Variants in TIAM2 observed in about 807,000 individuals in gnomAD.
The protein encoded by TIAM2 is rho guanine nucleotide exchange factor TIAM2.
Under a neutral mutation model 152.9 loss-of-function variants are expected in TIAM2, and 80 were observed. That is an observed-to-expected ratio of 0.52 (90% CI 0.44 to 0.63). TIAM2 has a LOEUF of 0.63. Among genes scored for constraint, TIAM2 ranks in the 30% least tolerant of loss-of-function variants. The pLI, the probability that TIAM2 is intolerant of heterozygous loss-of-function variation, is 0.00. For synonymous variants in TIAM2, 804 were observed against 838.0 expected, an observed-to-expected ratio of 0.96 and a Z score of 0.70; for missense variants, 1,965 against 2,120.1, an observed-to-expected ratio of 0.93 and a Z score of 1.44.
At chr6:155,230,101 T>G (rs1782400804) in intron 15 of TIAM2, among the ~76,000 whole-genome samples, 1 of 151,796 alleles carries the variant, frequency 6.6e-6, no homozygotes, top group South Asian at 2.1e-4. Context: ...ATCCACCACA[T>G]AGCCCATCAT....
chr6:155,187,330 C>T (rs1781063575), intron 14 of TIAM2, among the ~76,000 whole-genome samples: 1 of 152,070 alleles, frequency 6.6e-6, no homozygotes, highest in Non-Finnish European at 1.5e-5. Context: ...TGGCAGGTCC[C>T]AGGAAGCTAG....
intron 1 of TIAM2, among the ~76,000 whole-genome samples, chr6:154,996,775 A>G (rs1449177907): frequency 6.6e-6 from 1 of 152,220 alleles, no homozygotes; most frequent in Admixed American, 6.5e-5. Context: ...TGTTTTAAAA[A>G]TATAGTATCA....
rs763792600 is a variant in TIAM2, at chr6:155,250,656, C to T, written c.3952-257C>T. ...TTCATCTTATGGAAACTGAGTTGGT[C>T]ACAAGGCATGTCTCACCTACATGTG... On this transcript the variant is annotated intron_variant, in intron 21 of 26. Transcript: ENST00000682666. The T allele has an allele frequency of 7.2e-6, 11 of 1,526,262 alleles. No individual in the cohort carries two copies. The African/African-American group carries it at 1.5e-4, about 21-fold the overall frequency. 94.5% of individuals were successfully genotyped at this position (1,526,262 alleles called of 1,614,324 possible).
intron 2 of TIAM2, among the ~76,000 whole-genome samples, chr6:155,102,038 G>A (rs981833452): frequency 6.6e-6 from 1 of 150,564 alleles, no homozygotes; most frequent in Non-Finnish European, 1.5e-5. Context: ...TGTCGCCCAG[G>A]CTGGAGTAAG....
At chr6:155,146,319 T>TA (rs1779817376) in intron 6 of TIAM2, among the ~76,000 whole-genome samples, 1 of 152,142 alleles carries the variant, frequency 6.6e-6, no homozygotes, top group South Asian at 2.1e-4. Context: ...AGGTCAAGGT[T>TA]ACAATGAGCT....
At position 155,218,490 on chromosome 6, in the gene TIAM2, C is replaced by T. The variant is rs1781926778; in HGVS notation, c.3168+7183C>T. 6.6e-6 allele frequency among the ~76,000 whole-genome samples: 1 copy of T among 152,160 alleles called. No homozygotes were observed. The highest frequency in any genetic ancestry group is 1.5e-5 in the Non-Finnish European group (1 of 68,040). ...TCATTATGTGACCTGGGGCAAGTTA[C>T]CCAACCTTTGTAAGCCTGTGTGTCC... On this transcript the variant is annotated intron_variant, in intron 15 of 26. Transcript: ENST00000682666. The surrounding 1 kb of genome is among the most constrained non-coding windows in gnomAD (Gnocchi z 4.5).
At chr6:155,135,785 T>C (rs1289944299) in intron 4 of TIAM2, among the ~76,000 whole-genome samples, 1 of 152,166 alleles carries the variant, frequency 6.6e-6, no homozygotes, top group Non-Finnish European at 1.5e-5. Flanking sequence ...TTAAGAATCA[T>C]GTCTTTGATA....
At chr6:155,124,072 T>G (rs572583837) in intron 2 of TIAM2, among the ~76,000 whole-genome samples, 1 of 152,162 alleles carries the variant, frequency 6.6e-6, no homozygotes, top group Non-Finnish European at 1.5e-5. Context: ...CAGGCTGGAG[T>G]CCAGTGGCTT....
chr6:155,213,708 T>C lies in TIAM2; in HGVS notation c.3168+2401T>C, dbSNP rs1323063046. The stretch of plus-strand genomic sequence containing the variant: ...CCACTCTTCCTGGTGCCCAGGCTGT[T>C]TGTGCCAAAGGGTGCCTGCAGGCCA... On this transcript the variant is annotated intron_variant, in intron 15 of 26. Coordinates refer to ENST00000682666, the MANE Select transcript of TIAM2 (RefSeq NM_012454.4). The surrounding 1 kb of genome is among the most constrained non-coding windows in gnomAD (Gnocchi z 4.2). Among the ~76,000 whole-genome samples the C allele has an allele frequency of 6.6e-6, 1 of 152,166 alleles. No individual in the cohort carries two copies. The highest frequency in any genetic ancestry group is 1.5e-5 in the Non-Finnish European group (1 of 68,018).
At chr6:155,049,385 T>C (rs1389599023) in intron 1 of TIAM2, among the ~76,000 whole-genome samples, 1 of 152,144 alleles carries the variant, frequency 6.6e-6, no homozygotes, top group African/African-American at 2.4e-5. Context: ...ACCTGGACTT[T>C]ATTGCAGCCT....
intron 5 of TIAM2, among the ~76,000 whole-genome samples, chr6:155,139,313 C>T (rs57611954): frequency 0.034 from 5,170 of 152,316 alleles, 121 homozygotes; most frequent in African/African-American, 0.059. Flanking sequence ...CTTGCAAAGG[C>T]ATTTCATATC....
chr6:155,223,946 A>G (rs1222038087), intron 15 of TIAM2, among the ~76,000 whole-genome samples: 1 of 152,144 alleles, frequency 6.6e-6, no homozygotes, highest in African/African-American at 2.4e-5. Flanking sequence ...TTGGCTTGCC[A>G]CTGTGTGGGT....
chr6:155,257,393 T>C lies in TIAM2; in HGVS notation c.*272T>C. On this transcript the variant is annotated 3_prime_UTR_variant, in exon 27 of 27. Coordinates refer to ENST00000682666, the MANE Select transcript of TIAM2 (RefSeq NM_012454.4). ...ATTTAGGATCCTTAAAATTACATTCTAATAATTAAGTTATGTGGAAAAAGT... is the reference window on the plus strand; with the variant it reads ...ATTTAGGATCCTTAAAATTACATTCCAATAATTAAGTTATGTGGAAAAAGT... 2.4e-6 allele frequency: 1 copy of C among 408,244 alleles called. No individual in the cohort carries two copies. Among genetic ancestry groups the C allele is most frequent in the South Asian group, 3.0e-5 (1 of 32,938 alleles). The allele number at this position is 408,244 out of a possible 1,614,324, so 25.3% of individuals were successfully genotyped here.
Position 155,099,344 on chromosome 6 carries a change from TTTATA to T in TIAM2, c.-118+8969_-118+8973del, listed in dbSNP as rs529897807. ...ATGCCTTTGAAACACTTAGAAAAAG[TTTATA>T]TTAGGGAATTTAGATTTGCAATGGC... On this transcript the variant is annotated intron_variant, in intron 2 of 26. Transcript: ENST00000682666. 3.2e-4 allele frequency among the ~76,000 whole-genome samples: 48 copies of T among 152,132 alleles called. No individual in the cohort carries two copies. In the South Asian group the frequency reaches 9.8e-3, roughly 31 times the overall value.
At position 155,252,152 on chromosome 6, in the gene TIAM2, C is replaced by T. The variant is rs191655967; in HGVS notation, c.4119+149C>T. 306 of 625,532 alleles carry T rather than the reference C, an allele frequency of 4.9e-4. 3 individuals are homozygous for T. In the Admixed American group the frequency reaches 8.3e-3, roughly 17 times the overall value. The allele number at this position is 625,532 out of a possible 1,614,324, so 38.7% of individuals were successfully genotyped here. ...AACTAACCCCATCACATACTGAGAG[C>T]GTTTCTGAGTCTCCCCATGAAAGAT... is the stretch of plus-strand genomic sequence containing the variant. On this transcript the variant is annotated intron_variant, in intron 23 of 26. Transcript: ENST00000682666.
intron 4 of TIAM2, 39 bp downstream of exon 4, chr6:155,130,456 T>G: frequency 6.4e-7 from 1 of 1,562,802 alleles, no homozygotes; most frequent in Non-Finnish European, 8.7e-7. Flanking sequence ...GTCCCCACAG[T>G]TTCCCCACCT....
chr6:155,227,711 T>C (rs1401900303), intron 15 of TIAM2, among the ~76,000 whole-genome samples: 3 of 152,182 alleles, frequency 2.0e-5, no homozygotes, highest in African/African-American at 7.2e-5. Flanking sequence ...ACTTTTTGGT[T>C]CTTTAGCTTA....
chr6:155,229,378 T>C (rs922000255), intron 15 of TIAM2, among the ~76,000 whole-genome samples: 1 of 152,184 alleles, frequency 6.6e-6, no homozygotes, highest in African/African-American at 2.4e-5. Context: ...GTGCAAATTA[T>C]AACTTTCATT....
At chr6:155,073,840 G>A (rs1777897004) in intron 1 of TIAM2, among the ~76,000 whole-genome samples, 1 of 152,160 alleles carries the variant, frequency 6.6e-6, no homozygotes, top group African/African-American at 2.4e-5. Context: ...GAGTGGGAGT[G>A]CTTCTCAACA....
Sources: gnomAD v4.1 joint callset for allele counts (sites outside exome capture counted in the v4.1 genomes callset) on GRCh38, gnomAD v4.1.1 for gene constraint, Gnocchi (gnomAD v3.1) non-coding constraint, MANE v1.5 for transcripts, NCBI Gene and HGNC (gene_info 2026-07-23, HGNC 2026-07-21) for gene names.